The following PCNX2 variants were observed in gnomAD, a reference collection of about 807,000 sequenced individuals.
PCNX2 encodes pecanex-like protein 2.
Under a neutral mutation model 223.8 loss-of-function variants are expected in PCNX2, and 168 were observed. That is an observed-to-expected ratio of 0.75 (90% confidence interval 0.66 to 0.85). PCNX2 has a LOEUF of 0.85. Ranked by LOEUF, PCNX2 falls within the 40% of genes least tolerant of loss-of-function variation. PCNX2 has a pLI of 0.00. For synonymous variants in PCNX2, 1,006 were observed against 1,052.6 expected, an observed-to-expected ratio of 0.96 and a Z score of 0.86; for missense variants, 2,507 against 2,675.5, an observed-to-expected ratio of 0.94 and a Z score of 1.39.
intron 15 of PCNX2, among the ~76,000 whole-genome samples, chr1:233,194,900 C>T (rs768648618): frequency 2.0e-4 from 30 of 151,854 alleles, no homozygotes; most frequent in Non-Finnish European, 3.7e-4. Flanking sequence ...TCCTGTAGTC[C>T]CAGCTACTGG....
intron 8 of PCNX2, among the ~76,000 whole-genome samples, chr1:233,249,533 T>C (rs1476203507): frequency 1.3e-5 from 2 of 152,222 alleles, no homozygotes; most frequent in Admixed American, 1.3e-4. Flanking sequence ...TCCATTTGCA[T>C]GGGGACTTTG....
intron 15 of PCNX2, among the ~76,000 whole-genome samples, chr1:233,185,266 T>C (rs537347356): frequency 6.6e-6 from 1 of 152,146 alleles, no homozygotes; most frequent in African/African-American, 2.4e-5. Context: ...AGATTACCTT[T>C]AGAGTTGGAA....
intron 10 of PCNX2, among the ~76,000 whole-genome samples, chr1:233,221,203 A>C (rs1657358482): frequency 6.6e-6 from 1 of 151,374 alleles, no homozygotes; most frequent in Non-Finnish European, 1.5e-5. Flanking sequence ...TTTTTTTTTT[A>C]ATCGGGGGAA....
chr1:233,314,267 T>C, the PCNX2 span, among the ~76,000 whole-genome samples: 1 of 152,204 alleles, frequency 6.6e-6, no homozygotes, highest in Non-Finnish European at 1.5e-5. Flanking sequence ...TATCTCTGGA[T>C]GTATTGTGTA....
the PCNX2 span, among the ~76,000 whole-genome samples, chr1:233,304,968 A>G: frequency 6.6e-6 from 1 of 152,212 alleles, no homozygotes; most frequent in East Asian, 1.9e-4. Context: ...GAATAACAGA[A>G]TAGAAATAAT....
chr1:233,038,524 G>A (rs1022530972), intron 25 of PCNX2, among the ~76,000 whole-genome samples: 23 of 152,114 alleles, frequency 1.5e-4, no homozygotes, highest in African/African-American at 4.1e-4. Flanking sequence ...ACATGGCTTC[G>A]TCTCTCCTAT....
intron 21 of PCNX2, among the ~76,000 whole-genome samples, chr1:233,114,709 A>G (rs1675308738): frequency 6.6e-6 from 1 of 152,202 alleles, no homozygotes; most frequent in Non-Finnish European, 1.5e-5. Context: ...CGACAGGCGC[A>G]TCCAGAAAGT....
At chr1:233,221,433 A>G (rs1223244463) in intron 10 of PCNX2, among the ~76,000 whole-genome samples, 1 of 152,108 alleles carries the variant, frequency 6.6e-6, no homozygotes, top group Non-Finnish European at 1.5e-5. Context: ...TAAGGTTCCT[A>G]AAACATATTT....
intron 25 of PCNX2, among the ~76,000 whole-genome samples, chr1:233,039,978 G>A (rs1053281320): frequency 2.0e-5 from 3 of 152,010 alleles, no homozygotes; most frequent in African/African-American, 7.3e-5. Flanking sequence ...TTTGATTGAT[G>A]GAAATGTAGA....
chr1:233,201,919 G>C (rs1681137722), intron 13 of PCNX2: 1 of 183,792 alleles, frequency 5.4e-6, no homozygotes, highest in South Asian at 1.0e-4. Context: ...CATCCCTGGA[G>C]ATGCTCTGGC....
the PCNX2 span, among the ~76,000 whole-genome samples, chr1:233,302,238 C>A: frequency 3.3e-5 from 5 of 152,080 alleles, no homozygotes; most frequent in East Asian, 9.6e-4. Context: ...AATTTTAGAT[C>A]TAATTGATTT....
intron 17 of PCNX2, chr1:233,167,983 T>C (rs967833826): frequency 4.3e-5 from 12 of 279,748 alleles, no homozygotes; most frequent in African/African-American, 2.5e-4. Flanking sequence ...TTCCTTCACG[T>C]TTGAAGGTTA....
chr1:233,154,958 A>C (rs564367381), intron 19 of PCNX2, among the ~76,000 whole-genome samples: 6 of 151,236 alleles, frequency 4.0e-5, no homozygotes, highest in African/African-American at 1.2e-4. Flanking sequence ...AATTCCAGCT[A>C]GTAGGGCAGC....
rs1671493266 is a variant in PCNX2, at chr1:233,037,424, G to A, written c.4352-12025C>T. ...ATAGCTCACTGTCACTCAAACTCCTGGGTTAAAGTCATTCTCCCACCTCAG... is the reference window on the plus strand; with the variant it reads ...ATAGCTCACTGTCACTCAAACTCCTAGGTTAAAGTCATTCTCCCACCTCAG... On this transcript the variant is annotated intron_variant, in intron 25 of 33. Transcript: ENST00000258229. 2.0e-5 allele frequency among the ~76,000 whole-genome samples: 3 copies of A among 152,284 alleles called. No individual in the cohort carries two copies. The South Asian group carries it at 6.2e-4, about 32-fold the overall frequency.
At chr1:233,041,765 C>T (rs1256360739) in intron 25 of PCNX2, among the ~76,000 whole-genome samples, 2 of 152,122 alleles carry the variant, frequency 1.3e-5, no homozygotes, top group South Asian at 2.1e-4. Flanking sequence ...TGGTGTGTCA[C>T]GTTTTTTACT....
At chr1:233,035,407 T>C (rs1389641326) in intron 25 of PCNX2, among the ~76,000 whole-genome samples, 1 of 152,214 alleles carries the variant, frequency 6.6e-6, no homozygotes, top group African/African-American at 2.4e-5. Flanking sequence ...ATTGTAAATG[T>C]TTAAAACTAT....
intron 24 of PCNX2, chr1:233,054,712 T>C (rs1446552444): frequency 2.3e-6 from 1 of 444,338 alleles, no homozygotes; most frequent in Non-Finnish European, 4.0e-6. Flanking sequence ...CATCGATTTA[T>C]ATATATGTGC....
Position 233,139,884 on chromosome 1 carries a change from C to T in PCNX2, c.3518-29G>A. The T allele has an allele frequency of 6.3e-7, 1 of 1,598,410 alleles. No homozygotes were observed. Among genetic ancestry groups the T allele is most frequent in the Non-Finnish European group, 8.5e-7 (1 of 1,174,472 alleles). On this transcript the variant is annotated intron_variant, in intron 19 of 33. Transcript: ENST00000258229. The surrounding 1 kb of genome is among the most constrained non-coding windows in gnomAD (Gnocchi z 4.4). ...AAAGAAATATAAAAACCACTTAGAA[C>T]AACCACCGATCAAAGTATTTTTCTT...
At chr1:233,100,388 A>AGCCTGGGT (rs1436848984) in intron 21 of PCNX2, among the ~76,000 whole-genome samples, 1 of 146,622 alleles carries the variant, frequency 6.8e-6, no homozygotes, top group Non-Finnish European at 1.5e-5. Context: ...ACTGCACTCC[A>AGCCTGGGT]GCCTGGGTGA....
Sources: gnomAD v4.1 joint callset for allele counts (sites outside exome capture counted in the v4.1 genomes callset) on GRCh38, gnomAD v4.1.1 for gene constraint, Gnocchi (gnomAD v3.1) non-coding constraint, MANE v1.5 for transcripts, NCBI Gene and HGNC (gene_info 2026-07-23, HGNC 2026-07-21) for gene names.